The following WWC2 variants were observed in gnomAD, a reference collection of about 807,000 sequenced individuals.
WWC2 encodes the protein protein WWC2.
A neutral mutation model predicts 138.5 loss-of-function variants in WWC2; 101 were observed. The ratio of observed to expected loss-of-function variants is 0.73; its 90% CI spans 0.62 to 0.86. WWC2 has a LOEUF of 0.86. WWC2 is among the 40% of genes least tolerant of loss of function. The pLI, the probability that WWC2 is intolerant of heterozygous loss-of-function variation, is 0.00. For synonymous variants in WWC2, 558 were observed against 538.4 expected (o/e 1.04, Z -0.50); for missense variants, 1,420 against 1,419.4 (o/e 1.00, Z -0.01).
intron 17 of WWC2, chr4:183,281,345 T>A (rs1380713326): frequency 1.8e-5 from 3 of 169,010 alleles, no homozygotes; most frequent in African/African-American, 7.1e-5. Flanking sequence ...TTACCTTCTT[T>A]TTCTGTGTCC....
intron 16 of WWC2, among the ~76,000 whole-genome samples, chr4:183,271,948 G>A (rs1314917409): frequency 6.6e-6 from 1 of 152,152 alleles, no homozygotes; most frequent in African/African-American, 2.4e-5. Context: ...TGAAGCTGCA[G>A]TGAGCCATGA....
chr4:183,151,897 A>G (rs375187253), intron 1 of WWC2, among the ~76,000 whole-genome samples: 4 of 152,222 alleles, frequency 2.6e-5, no homozygotes, highest in South Asian at 4.1e-4. Flanking sequence ...CCATTGGTCT[A>G]TATATCTGTC....
rs369135445 is a variant in WWC2, at chr4:183,240,164, T to C, written c.523-19T>C. 8.2e-5 allele frequency: 125 copies of C among 1,522,586 alleles called. 1 individual carries two copies. The African/African-American group carries it at 1.7e-3, about 20-fold the overall frequency. The allele number at this position is 1,522,586 out of a possible 1,614,324, so 94.3% of individuals were successfully genotyped here. ...AATTATCTGCAAACATTAATGTTTA[T>C]GTTGATTTCTCTTTAAAGGTTAAAA... On this transcript the variant is annotated intron_variant, in intron 4 of 22. Transcript: ENST00000403733.
intron 1 of WWC2, among the ~76,000 whole-genome samples, chr4:183,123,402 G>GGT (rs67158904): frequency 0.031 from 4,525 of 147,312 alleles, 74 homozygotes; most frequent in African/African-American, 0.047. Flanking sequence ...GCAAGTTTCA[G>GGT]GTGTGTGTGT....
intron 4 of WWC2, among the ~76,000 whole-genome samples, chr4:183,227,807 T>C (rs934156380): frequency 3.9e-5 from 6 of 152,036 alleles, no homozygotes; most frequent in Non-Finnish European, 8.8e-5. Flanking sequence ...ACATCTTCCA[T>C]ACATATAGGT....
chr4:183,230,162 A>T (rs1200474642), intron 4 of WWC2, among the ~76,000 whole-genome samples: 1 of 151,998 alleles, frequency 6.6e-6, no homozygotes, highest in Non-Finnish European at 1.5e-5. Flanking sequence ...GGGTCTCGCT[A>T]CGGTACCTAG....
intron 4 of WWC2, among the ~76,000 whole-genome samples, chr4:183,239,076 A>T (rs1736522426): frequency 6.6e-6 from 1 of 152,208 alleles, no homozygotes; most frequent in Non-Finnish European, 1.5e-5. Flanking sequence ...GCACTTTGGG[A>T]GGCCGAAGCG....
intron 4 of WWC2, among the ~76,000 whole-genome samples, chr4:183,214,542 C>T (rs911844653): frequency 1.3e-5 from 2 of 151,954 alleles, no homozygotes; most frequent in African/African-American, 4.8e-5. Flanking sequence ...CCTGTAATCC[C>T]AGCACTTTGG....
At chr4:183,303,378 A>C (rs564781593) in intron 21 of WWC2, among the ~76,000 whole-genome samples, 6 of 152,260 alleles carry the variant, frequency 3.9e-5, no homozygotes, top group South Asian at 4.2e-4. Context: ...GCCCAGTGTA[A>C]ACATCTCAGC....
rs371918761 is a variant in WWC2 at position 183,235,281 on chromosome 4, A to G, written c.523-4902A>G. Among the ~76,000 whole-genome samples the G allele has an allele frequency of 7.2e-5, 11 of 152,316 alleles. No homozygotes were observed. The East Asian group carries it at 2.1e-3, about 29-fold the overall frequency. On this transcript the variant is annotated intron_variant, in intron 4 of 22. Coordinates refer to ENST00000403733, the MANE Select transcript of WWC2 (RefSeq NM_024949.6). ...CCCAACATAGAATAAAATTTCACTC[A>G]TATCACCTAAACAGAGGAGAGTCCA... is the stretch of plus-strand genomic sequence containing the variant.
intron 1 of WWC2, among the ~76,000 whole-genome samples, chr4:183,129,332 G>A (rs1395168227): frequency 6.6e-6 from 1 of 152,098 alleles, no homozygotes; most frequent in Non-Finnish European, 1.5e-5. Flanking sequence ...GTTCAAACCA[G>A]GGCTCTTTGA....
At chr4:183,179,157 G>A (rs1734550415) in intron 1 of WWC2, among the ~76,000 whole-genome samples, 1 of 152,156 alleles carries the variant, frequency 6.6e-6, no homozygotes, top group Admixed American at 6.5e-5. Context: ...GATGTGCACA[G>A]TATATTATAT....
At chr4:183,252,282 C>T (rs1580111626) in intron 8 of WWC2, among the ~76,000 whole-genome samples, 1 of 152,118 alleles carries the variant, frequency 6.6e-6, no homozygotes. Flanking sequence ...AATCATCCAA[C>T]GTTTTTCTGT....
chr4:183,101,987 CGA>C, intron 1 of WWC2, among the ~76,000 whole-genome samples: 1 of 151,954 alleles, frequency 6.6e-6, no homozygotes, highest in South Asian at 2.1e-4. Context: ...ATAATTATGC[CGA>C]TTTAGTAGGG....
chr4:183,207,195 T>C (rs989617048), intron 2 of WWC2, among the ~76,000 whole-genome samples: 1 of 151,968 alleles, frequency 6.6e-6, no homozygotes, highest in Non-Finnish European at 1.5e-5. Context: ...GTCTGGGTTT[T>C]TTTTTTTTAA....
intron 1 of WWC2, among the ~76,000 whole-genome samples, chr4:183,169,074 C>G (rs1175411973): frequency 6.6e-6 from 1 of 152,184 alleles, no homozygotes; most frequent in African/African-American, 2.4e-5. Context: ...TCTTGAACTC[C>G]TGACCGCAGA....
chr4:183,213,431 T>C (rs1735664909), intron 4 of WWC2, among the ~76,000 whole-genome samples: 2 of 152,256 alleles, frequency 1.3e-5, no homozygotes, highest in Non-Finnish European at 1.5e-5. Flanking sequence ...GCCTGCATTT[T>C]TGGTCACAAT....
In WWC2 at chr4:183,289,602, G is replaced by T. The variant is rs918398458; in HGVS notation, c.3351G>T (p.Arg1117Ser). 4 of 1,613,732 alleles carry T rather than the reference G, an allele frequency of 2.5e-6. No homozygotes were observed. The highest frequency in any genetic ancestry group is 1.3e-5 in the African/African-American group (1 of 74,884). The stretch of plus-strand genomic sequence containing the variant: ...CACCAGGCGTGCTGGAGGATGAGAG[G>T]TTCCAGAGGCTTCTGAAGCAAGCTG... ...DLPPGVLEDE[R>S]FQRLLKQAEK... Residue 1117 changes from arginine (R) to serine (S), a missense_variant, in exon 21 of 23, where the codon AGG becomes AGT. Physicochemically the swap from Arg to Ser is moderately radical, Grantham distance 110 (BLOSUM62 -1). Coordinates refer to ENST00000403733, the MANE Select transcript of WWC2 (RefSeq NM_024949.6).
intron 9 of WWC2, among the ~76,000 whole-genome samples, chr4:183,258,346 G>A (rs1188686350): frequency 1.3e-5 from 2 of 152,028 alleles, no homozygotes; most frequent in African/African-American, 4.8e-5. Flanking sequence ...AATTTATCGC[G>A]CTTTTGAAGT....
Sources: gnomAD v4.1 joint callset for allele counts (sites outside exome capture counted in the v4.1 genomes callset) on GRCh38, gnomAD v4.1.1 for gene constraint, MANE v1.5 for transcripts, NCBI Gene and HGNC (gene_info 2026-07-23, HGNC 2026-07-21) for gene names.